ILDR2: variants seen among roughly 807,000 people sequenced by gnomAD.
The protein encoded by ILDR2 is immunoglobulin-like domain-containing receptor 2.
In ILDR2, 25 loss-of-function variants were observed where a neutral mutation model predicts 66.8. That is an observed-to-expected ratio of 0.37 (90% CI 0.27 to 0.52). ILDR2 has a LOEUF of 0.52. Among genes scored for constraint, ILDR2 ranks in the 20% least tolerant of loss-of-function variants. ILDR2 has a pLI of 0.88. For synonymous variants in ILDR2, 367 were observed against 357.2 expected (o/e 1.03, Z -0.31); for missense variants, 827 against 876.8 (o/e 0.94, Z 0.72).
Position 166,921,082 on chromosome 1 carries a change from TCTGCGGCGCGCGGGG to T in ILDR2, c.1494_1508del (p.Ser498_Arg502del). On this transcript the variant is annotated inframe_deletion, in exon 9 of 10. Transcript: ENST00000271417. The surrounding 1 kb of genome is among the most constrained non-coding windows in gnomAD (Gnocchi z 5.3). ...GCGGCAGGTGCGCGTCCTCGGCGGGTCTGCGGCGCGCGGGGCTGAAGGCCCAGCCGCGGTCAGCAT... is the reference window on the plus strand; with the variant it reads ...GCGGCAGGTGCGCGTCCTCGGCGGGTCTGAAGGCCCAGCCGCGGTCAGCAT... 6.7e-7 allele frequency: 1 copy of T among 1,490,126 alleles called. No homozygotes were observed. The highest frequency in any genetic ancestry group is 1.3e-5 in the South Asian group (1 of 77,126). 92.3% of individuals were successfully genotyped at this position (1,490,126 alleles called of 1,614,324 possible). A position where few individuals can be genotyped will look rare whatever the true frequency, so the allele number is the denominator to read the frequency against.
At position 166,956,783 on chromosome 1, in the gene ILDR2, G is replaced by T. The variant is rs769363734; in HGVS notation, c.449C>A (p.Pro150Gln). The T allele has an allele frequency of 3.0e-5, 49 of 1,613,854 alleles. No individual in the cohort carries two copies. Among genetic ancestry groups the T allele is most frequent in the Non-Finnish European group, 4.1e-5 (48 of 1,179,904 alleles). The stretch of plus-strand genomic sequence containing the variant: ...CTCATTTTTCCCCTCCAGGTCATCT[G>T]GGGTGGTGATAATACAGTAATAGAG... ...SGLYYCIITT[P>Q]DDLEGKNEDS... The change falls in exon 3 of 10, where the codon CCA becomes CAA. Residue 150 changes from proline (P) to glutamine (Q), a missense_variant. Coordinates refer to ENST00000271417, the MANE Select transcript of ILDR2 (RefSeq NM_199351.3).
chr1:166,918,875 A>C lies in ILDR2; in HGVS notation c.*480T>G, dbSNP rs1410504729. ...GTGACTGTAAAGTGATGGGGATAAA[A>C]GGTATATTTTGACTTGAAGCTATCT... On this transcript the variant is annotated 3_prime_UTR_variant, in exon 10 of 10. Transcript: ENST00000271417. 2 of 183,086 alleles carry C rather than the reference A, an allele frequency of 1.1e-5. No homozygotes were observed. Among genetic ancestry groups the C allele is most frequent in the Non-Finnish European group, 2.3e-5 (2 of 88,752 alleles). 11.3% of individuals were successfully genotyped at this position (183,086 alleles called of 1,614,324 possible). A position where few individuals can be genotyped will look rare whatever the true frequency, so the allele number is the denominator to read the frequency against.
chr1:166,915,847 G>A lies in ILDR2; in HGVS notation c.*3508C>T, dbSNP rs1195212993. 1 of 152,164 alleles carries A rather than the reference G, an allele frequency of 6.6e-6. No homozygotes were observed. The highest frequency in any genetic ancestry group is 1.5e-5 in the Non-Finnish European group (1 of 68,046). 9.4% of individuals were successfully genotyped at this position (152,164 alleles called of 1,614,324 possible). ...AATCCTATGTCAAGTGCACAGTGAG[G>A]ATCATGAGAAGGGGGATGTGAGGCC... On this transcript the variant is annotated 3_prime_UTR_variant, in exon 10 of 10. Transcript: ENST00000271417.
Position 166,910,281 on chromosome 1 carries a change from T to C in ILDR2, c.*9074A>G, listed in dbSNP as rs1488420255. On this transcript the variant is annotated 3_prime_UTR_variant, in exon 10 of 10. Transcript: ENST00000271417. ...CACTTGATCCCAAGCAAAAACCTCATGGTTTTCCCCACATTATATCCACAG... is the reference window on the plus strand; with the variant it reads ...CACTTGATCCCAAGCAAAAACCTCACGGTTTTCCCCACATTATATCCACAG... The C allele has an allele frequency of 1.3e-5, 2 of 152,166 alleles. No individual in the cohort carries two copies. Among genetic ancestry groups the C allele is most frequent in the Non-Finnish European group, 2.9e-5 (2 of 68,022 alleles). The allele number at this position is 152,166 out of a possible 1,614,324, so 9.4% of individuals were successfully genotyped here.
chr1:166,907,486 G>A (rs1271551055), downstream of ILDR2, among the ~76,000 whole-genome samples: 1 of 152,140 alleles, frequency 6.6e-6, no homozygotes, highest in African/African-American at 2.4e-5. Context: ...GCGTGCTGTA[G>A]GCCTGTTCAT....
chr1:166,917,524 C>G lies in ILDR2; in HGVS notation c.*1831G>C, dbSNP rs1355379974. The G allele has an allele frequency of 6.6e-6, 1 of 152,114 alleles. No individual in the cohort carries two copies. The highest frequency in any genetic ancestry group is 1.9e-4 in the East Asian group (1 of 5,192). The allele number at this position is 152,114 out of a possible 1,614,324, so 9.4% of individuals were successfully genotyped here. ...AAACCACTGCTGGATTAAGGGATAG[C>G]AAAGTCAAGCATTATCCTCCACTCC... On this transcript the variant is annotated 3_prime_UTR_variant, in exon 10 of 10. Transcript: ENST00000271417.
At chr1:166,965,874 G>A (rs1007561875) in intron 1 of ILDR2, among the ~76,000 whole-genome samples, 1 of 151,896 alleles carries the variant, frequency 6.6e-6, no homozygotes, top group Non-Finnish European at 1.5e-5. Flanking sequence ...TACTTTTTAG[G>A]AACAACCAAT....
intron 7 of ILDR2, among the ~76,000 whole-genome samples, chr1:166,924,191 TAAG>T (rs1660136272): frequency 6.6e-6 from 1 of 152,236 alleles, no homozygotes; most frequent in South Asian, 2.1e-4. Context: ...TTCTTCCATC[TAAG>T]AAGAAGGGAC....
Position 166,919,216 on chromosome 1 carries a change from A to G in ILDR2, c.*139T>C, listed in dbSNP as rs1387033598. The G allele has an allele frequency of 5.2e-6, 4 of 771,276 alleles. No homozygotes were observed. Among genetic ancestry groups the G allele is most frequent in the Non-Finnish European group, 8.8e-6 (4 of 454,646 alleles). The allele number at this position is 771,276 out of a possible 1,614,324, so 47.8% of individuals were successfully genotyped here. A position where few individuals can be genotyped will look rare whatever the true frequency, so the allele number is the denominator to read the frequency against. On this transcript the variant is annotated 3_prime_UTR_variant, in exon 10 of 10. Transcript: ENST00000271417. ...CAGCCTCCCTTAAAGGCTGCCTGCC[A>G]TCCCTTGCCAAAGCAGAGATCAGCA...
intron 3 of ILDR2, among the ~76,000 whole-genome samples, chr1:166,954,978 G>A (rs1184712325): frequency 6.6e-6 from 1 of 152,136 alleles, no homozygotes; most frequent in African/African-American, 2.4e-5. Context: ...GGCTGCCCTG[G>A]CCAAATAACT....
intron 1 of ILDR2, among the ~76,000 whole-genome samples, chr1:166,965,410 A>T (rs148458441): frequency 1.3e-3 from 195 of 152,180 alleles, no homozygotes; most frequent in Non-Finnish European, 1.7e-3. Context: ...TACATTGAAC[A>T]ATCAGAAAGC....
chr1:166,933,845 G>A (rs564770642), intron 6 of ILDR2, among the ~76,000 whole-genome samples: 1 of 152,256 alleles, frequency 6.6e-6, no homozygotes, highest in East Asian at 1.9e-4. Flanking sequence ...CTCAGTCTGT[G>A]ACTCATTCTG....
Position 166,935,451 on chromosome 1 carries a change from C to A in ILDR2, c.730G>T (p.Ala244Ser). Residue 244 changes from alanine to serine, a missense_variant, in exon 6 of 10, where the codon GCC becomes TCC. This residue lies in a region of ILDR2 where 437 missense variants were observed against 523.2 expected (regional missense o/e 0.84). Coordinates refer to ENST00000271417, the MANE Select transcript of ILDR2 (RefSeq NM_199351.3). ...CCGGAGACAGAGGGAGGGTACCCGG[C>A]CTTTGCTGCTTTCCCTGCTTCATAC... Reference protein sequence around the residue: ...ALYEAGKAAKAGYPPSVSGVP... With the variant: ...ALYEAGKAAKSGYPPSVSGVP... 1.9e-6 allele frequency: 3 copies of A among 1,605,048 alleles called. No individual in the cohort carries two copies. The East Asian group carries it at 6.7e-5, about 36-fold the overall frequency.
chr1:166,936,511 A>G lies in ILDR2; in HGVS notation c.703+80T>C, dbSNP rs1483922122. 6.3e-7 allele frequency: 1 copy of G among 1,592,106 alleles called. No individual in the cohort carries two copies. Among genetic ancestry groups the G allele is most frequent in the East Asian group, 2.3e-5 (1 of 44,348 alleles). On this transcript the variant is annotated intron_variant, in intron 5 of 9. Transcript: ENST00000271417. This position sits in a 1 kb window ranked among gnomAD's most constrained non-coding sequence, Gnocchi z 5.0. ...TGGCAGGACAGGAGGTGGAGGAGGA[A>G]CCCAGCGCACACAGCTGTCAGGTAG...
chr1:166,919,346 T>A lies in ILDR2; in HGVS notation c.*9A>T, dbSNP rs1259329436. On this transcript the variant is annotated 3_prime_UTR_variant, in exon 10 of 10. Coordinates refer to ENST00000271417, the MANE Select transcript of ILDR2 (RefSeq NM_199351.3). ...TGATTTCTCATTATCCAGAGAAATG[T>A]TGACAACATCAGACCACAAGGGACA... 6.2e-7 allele frequency: 1 copy of A among 1,612,188 alleles called. No individual in the cohort carries two copies. Among genetic ancestry groups the A allele is most frequent in the African/African-American group, 1.3e-5 (1 of 74,996 alleles).
rs1659881807 is a variant in ILDR2, at chr1:166,920,860, G to A, written c.1731C>T (p.Gly577=). The A allele has an allele frequency of 1.3e-6, 2 of 1,508,028 alleles. No homozygotes were observed. Among genetic ancestry groups the A allele is most frequent in the South Asian group, 1.2e-5 (1 of 80,734 alleles). 93.4% of individuals were successfully genotyped at this position (1,508,028 alleles called of 1,614,324 possible). ...AWSPPGTYKA[G]SSQDDQEDAS... is the part of the protein sequence containing the mutation. ...CGTCCTCCTGGTCGTCCTGCGACGA[G>A]CCGGCCTTGTAGGTGCCGGGCGGCG... Residue 577 remains glycine (G), a synonymous_variant, in exon 9 of 10, where the codon GGC becomes GGT. Coordinates refer to ENST00000271417, the MANE Select transcript of ILDR2 (RefSeq NM_199351.3).
chr1:166,953,767 T>C (rs1222614019), intron 3 of ILDR2, among the ~76,000 whole-genome samples: 1 of 152,250 alleles, frequency 6.6e-6, no homozygotes, highest in East Asian at 1.9e-4. Context: ...ACATCAATCA[T>C]GTTCATCTAC....
chr1:166,936,706 G>A lies in ILDR2; in HGVS notation c.588C>T (p.Gly196=), dbSNP rs200789395. 174 of 1,614,128 alleles carry A rather than the reference G, an allele frequency of 1.1e-4. No individual in the cohort carries two copies. The East Asian group carries it at 2.1e-3, about 19-fold the overall frequency. The change falls in exon 5 of 10, where the codon GGC becomes GGT. Residue 196 remains glycine (G), a synonymous_variant. Coordinates refer to ENST00000271417, the MANE Select transcript of ILDR2 (RefSeq NM_199351.3). The surrounding 1 kb of genome is among the most constrained non-coding windows in gnomAD (Gnocchi z 5.0). The stretch of plus-strand genomic sequence containing the variant: ...CCACCAGGACGAAGAAGAGGAAGAC[G>A]CCCAGGAGCACCAGGCCAACAAACA... ...EWVFVGLVLL[G]VFLFFVLVGI...
At chr1:166,908,044 C>T (rs1659380700), downstream of ILDR2, 1 of 152,196 alleles carries the variant, frequency 6.6e-6, no homozygotes, top group African/African-American at 2.4e-5. Flanking sequence ...ACTTACTTTA[C>T]ACTGGGAAAT....
Sources: allele counts gnomAD v4.1 joint callset (sites outside exome capture counted in the v4.1 genomes callset), GRCh38; gene constraint gnomAD v4.1.1; regional missense constraint gnomAD v4.1.1; non-coding constraint Gnocchi (gnomAD v3.1); transcripts MANE v1.5; gene names NCBI Gene and HGNC (gene_info 2026-07-23, HGNC 2026-07-21).